Variants in BIRC6 observed in about 807,000 individuals in gnomAD.
BIRC6 encodes the protein dual E2 ubiquitin-conjugating enzyme/E3 ubiquitin-protein ligase BIRC6.
Under a neutral mutation model 503.3 loss-of-function variants are expected in BIRC6, and 98 were observed. The observed-to-expected ratio is 0.19, with a 90% confidence interval of 0.17 to 0.23. The LOEUF (loss-of-function observed/expected upper bound fraction) is 0.23, where lower values mean the gene tolerates loss of function less well. Among genes scored for constraint, BIRC6 ranks in the 10% least tolerant of loss-of-function variants. The pLI is 1.00. For missense variants in BIRC6, 5,360 were observed against 5,806.0 expected (o/e 0.92, Z 2.50); for synonymous variants, 2,240 against 2,078.7 (o/e 1.08, Z -2.11).
At chr2:32,369,450 TGTA>T (rs1210122981) in intron 1 of BIRC6, among the ~76,000 whole-genome samples, 2 of 150,078 alleles carry the variant, frequency 1.3e-5, no homozygotes, top group Non-Finnish European at 3.0e-5. Flanking sequence ...TTTTTTGAGA[TGTA>T]GTCTGGCTCT....
At chr2:32,591,354 T>C (rs569839114) in intron 66 of BIRC6, among the ~76,000 whole-genome samples, 1 of 152,324 alleles carries the variant, frequency 6.6e-6, no homozygotes, top group African/African-American at 2.4e-5. Flanking sequence ...TCTTTTACTT[T>C]TTCTTAATTA....
rs1361203243 is a variant in BIRC6 at position 32,505,193 on chromosome 2, G to C, written c.9688G>C (p.Ala3230Pro). The C allele has an allele frequency of 4.5e-6, 7 of 1,566,290 alleles. No individual in the cohort carries two copies. Among genetic ancestry groups the C allele is most frequent in the Admixed American group, 1.9e-5 (1 of 52,950 alleles). The change falls in exon 50 of 74, where the codon GCA becomes CCA. Residue 3230 changes from alanine to proline, a missense_variant. Around this residue, in one of 16 missense-constraint regions of BIRC6, gnomAD observed 267 missense variants for 287.6 expected, o/e 0.93. Transcript: ENST00000421745. ...LKEIHIQPHLASLATCPSSVS... is the reference protein window; with the variant it reads ...LKEIHIQPHLPSLATCPSSVS... ...GGAGATACATATCCAGCCTCATCTT[G>C]CATCTCTTGCAAGTGAGTAATATTT...
chr2:32,357,792 C>G lies in BIRC6; in HGVS notation c.325+306C>G, dbSNP rs1298584278. On this transcript the variant is annotated intron_variant, in intron 1 of 73. Coordinates refer to ENST00000421745, the MANE Select transcript of BIRC6 (RefSeq NM_016252.4). The surrounding 1 kb of genome is among the most constrained non-coding windows in gnomAD (Gnocchi z 4.9). ...GGTGAGGAGACCTTGGAGCTTGGCACCGGAGGAAGCGAGGCCCGGGTAGGC... is the reference window on the plus strand; with the variant it reads ...GGTGAGGAGACCTTGGAGCTTGGCAGCGGAGGAAGCGAGGCCCGGGTAGGC... 6.6e-6 allele frequency among the ~76,000 whole-genome samples: 1 copy of G among 152,058 alleles called. No individual in the cohort carries two copies. Among genetic ancestry groups the G allele is most frequent in the African/African-American group, 2.4e-5 (1 of 41,424 alleles).
At chr2:32,459,944 G>C (rs970586682) in intron 23 of BIRC6, among the ~76,000 whole-genome samples, 1 of 151,002 alleles carries the variant, frequency 6.6e-6, no homozygotes, top group Non-Finnish European at 1.5e-5. Flanking sequence ...AATTTTAAAA[G>C]TAGTTTATAG....
At chr2:32,585,440 C>T (rs568253505) in intron 66 of BIRC6, among the ~76,000 whole-genome samples, 5 of 151,186 alleles carry the variant, frequency 3.3e-5, no homozygotes, top group South Asian at 4.2e-4. Flanking sequence ...AGTGCTGTGG[C>T]GTGATCTTGG....
At chr2:32,409,680 A>G (rs912471319) in intron 9 of BIRC6, among the ~76,000 whole-genome samples, 11 of 152,210 alleles carry the variant, frequency 7.2e-5, no homozygotes, top group African/African-American at 2.7e-4. Context: ...TTGAGTTTTA[A>G]AAGAGTGCCT....
At chr2:32,413,279 C>T (rs192762530) in intron 9 of BIRC6, among the ~76,000 whole-genome samples, 2,237 of 150,830 alleles carry the variant, frequency 0.015, 35 homozygotes, top group Non-Finnish European at 0.024. Context: ...CTTCTGGCTT[C>T]AAGCGATTTT....
chr2:32,569,695 T>C (rs2059793310), intron 65 of BIRC6, among the ~76,000 whole-genome samples: 1 of 151,912 alleles, frequency 6.6e-6, no homozygotes, highest in African/African-American at 2.4e-5. Context: ...TCTGTAGCTA[T>C]TGTAAATGAG....
chr2:32,462,557 A>G (rs544095231), intron 23 of BIRC6, among the ~76,000 whole-genome samples: 1 of 152,312 alleles, frequency 6.6e-6, no homozygotes, highest in South Asian at 2.1e-4. Context: ...GTGTTGTTGC[A>G]ATAAGAAAAC....
At chr2:32,497,554 G>A (rs963093640) in intron 45 of BIRC6, among the ~76,000 whole-genome samples, 1 of 152,086 alleles carries the variant, frequency 6.6e-6, no homozygotes, top group African/African-American at 2.4e-5. Flanking sequence ...GACTATTCAG[G>A]TTTTCTCTTC....
intron 39 of BIRC6, among the ~76,000 whole-genome samples, chr2:32,484,563 A>AAG (rs1553459121): frequency 2.7e-5 from 4 of 150,942 alleles, no homozygotes; most frequent in African/African-American, 9.9e-5. Context: ...AAAAAAAAAA[A>AAG]AAAGAAAGAA....
rs71407447 is a variant in BIRC6 at position 32,381,540 on chromosome 2, CT to C, written c.645+1268del. Reference sequence around the variant, plus strand: ...CAGGTGTGAACCACTGCACCTGGCTCTTTTTTTTTTTTTTTTTTGGTTCGAG... The same window carrying C: ...CAGGTGTGAACCACTGCACCTGGCTCTTTTTTTTTTTTTTTTTGGTTCGAG... On this transcript the variant is annotated intron_variant, in intron 3 of 73. Coordinates refer to ENST00000421745, the MANE Select transcript of BIRC6 (RefSeq NM_016252.4). 8.6e-3 allele frequency among the ~76,000 whole-genome samples: 1,084 copies of C among 125,322 alleles called. 4 individuals carry two copies. The highest frequency in any genetic ancestry group is 0.011 in the Non-Finnish European group (618 of 58,632). 82.2% of individuals were successfully genotyped at this position (125,322 alleles called of 152,430 possible).
chr2:32,543,280 C>G lies in BIRC6; in HGVS notation c.12331C>G (p.Pro4111Ala). The G allele has an allele frequency of 1.2e-6, 2 of 1,613,952 alleles. No homozygotes were observed. Among genetic ancestry groups the G allele is most frequent in the Non-Finnish European group, 1.7e-6 (2 of 1,179,856 alleles). The change falls in exon 62 of 74, where the codon CCG becomes GCG. Residue 4111 changes from proline (P) to alanine (A), a missense_variant. By Grantham distance (27) the Pro-to-Ala change is conservative. Coordinates refer to ENST00000421745, the MANE Select transcript of BIRC6 (RefSeq NM_016252.4). ...PVVTSTTQEK[P>A]KDSDQFEWVT... ...TGTAACATCTACCACTCAGGAAAAG[C>G]CGAAGGATAGCGATCAGTTTGAATG...
chr2:32,441,630 T>C (rs2045445612), intron 17 of BIRC6, among the ~76,000 whole-genome samples, 168 bp downstream of exon 17: 2 of 152,212 alleles, frequency 1.3e-5, no homozygotes, highest in African/African-American at 4.8e-5. Flanking sequence ...TTATACTTCA[T>C]TGGTTTATCT....
intron 66 of BIRC6, among the ~76,000 whole-genome samples, chr2:32,586,267 TA>T (rs60753270): frequency 0.029 from 4,357 of 150,730 alleles, 99 homozygotes; most frequent in African/African-American, 0.045. Flanking sequence ...AAAAACAACT[TA>T]AAAAAAAATT....
In BIRC6 at chr2:32,617,843, T is replaced by C; in HGVS notation, c.14513T>C (p.Leu4838Pro). 6.2e-7 allele frequency: 1 copy of C among 1,613,972 alleles called. No homozygotes were observed. The highest frequency in any genetic ancestry group is 8.5e-7 in the Non-Finnish European group (1 of 1,179,864). Residue 4838 changes from leucine to proline, a missense_variant, in exon 74 of 74, where the codon CTA becomes CCA. Physicochemically the swap from Leu to Pro is moderately conservative, Grantham distance 98 (BLOSUM62 -3). Around this residue, in one of 16 missense-constraint regions of BIRC6, gnomAD observed 140 missense variants for 130.2 expected, o/e 1.07. Transcript: ENST00000421745. The part of the protein sequence containing the change: ...CRATTGAEET[L>P]MHDQVKPSSS... ...GCCACAACAGGTGCTGAGGAGACTCTAATGCATGATCAGGTTAAACCCAGC... is the reference window on the plus strand; with the variant it reads ...GCCACAACAGGTGCTGAGGAGACTCCAATGCATGATCAGGTTAAACCCAGC...
Position 32,499,730 on chromosome 2 carries a change from T to G in BIRC6, c.8652T>G (p.Asp2884Glu). ...SDKVMSRSGS[D>E]SSVGARACFG... ...AAGTAATGTCAAGAAGTGGATCAGA[T>G]AGCTCCGTGGGTGCTCGAGCATGCT... Residue 2884 changes from aspartate to glutamate, a missense_variant, in exon 46 of 74, where the codon GAT becomes GAG. This residue lies in a region of BIRC6 where 2,299 missense variants were observed against 2,267.2 expected (regional missense o/e 1.01). Transcript: ENST00000421745. 7.4e-6 allele frequency: 12 copies of G among 1,614,034 alleles called. No homozygotes were observed. Among genetic ancestry groups the G allele is most frequent in the Non-Finnish European group, 1.0e-5 (12 of 1,179,884 alleles).
intron 24 of BIRC6, among the ~76,000 whole-genome samples, chr2:32,463,651 G>T (rs1183297692): frequency 1.3e-5 from 2 of 152,120 alleles, no homozygotes. Flanking sequence ...CTCGATCAAA[G>T]AATATGTACA....
At chr2:32,401,001 G>A (rs1241568093) in intron 6 of BIRC6, among the ~76,000 whole-genome samples, 162 bp from the exon 7 acceptor site, 1 of 152,184 alleles carries the variant, frequency 6.6e-6, no homozygotes, top group African/African-American at 2.4e-5. Flanking sequence ...GAACATGTTA[G>A]AGTGATCTTC....
Sources: gnomAD v4.1 joint callset for allele counts (sites outside exome capture counted in the v4.1 genomes callset) on GRCh38, gnomAD v4.1.1 for gene constraint, gnomAD v4.1.1 regional missense constraint, Gnocchi (gnomAD v3.1) non-coding constraint, MANE v1.5 for transcripts, NCBI Gene and HGNC (gene_info 2026-07-23, HGNC 2026-07-21) for gene names.